Variants in APP observed in about 807,000 individuals in gnomAD.
The protein encoded by APP is amyloid-beta precursor protein.
APP carries 31 observed loss-of-function variants against 101.4 expected under a neutral mutation model. The ratio of observed to expected loss-of-function variants is 0.31; its 90% confidence interval spans 0.23 to 0.41. The LOEUF (loss-of-function observed/expected upper bound fraction) is 0.41, where lower values mean the gene tolerates loss of function less well. Ranked by LOEUF, APP falls within the 10% of genes least tolerant of loss-of-function variation. APP has a pLI of 1.00. For synonymous variants in APP, 366 were observed against 364.4 expected, an observed-to-expected ratio of 1.00 and a Z score of -0.05; for missense variants, 839 against 1,003.7, an observed-to-expected ratio of 0.84 and a Z score of 2.22.
chr21:26,003,674 G>C (rs2043390349), intron 6 of APP, among the ~76,000 whole-genome samples: 1 of 152,194 alleles, frequency 6.6e-6, no homozygotes, highest in South Asian at 2.1e-4. Context: ...TGTCCAACTG[G>C]TTCTCATCTG....
Position 26,134,628 on chromosome 21 carries a change from C to T in APP, c.58-22482G>A, listed in dbSNP as rs548310657. On this transcript the variant is annotated intron_variant, in intron 1 of 17. Coordinates refer to ENST00000346798, the MANE Select transcript of APP (RefSeq NM_000484.4). The stretch of plus-strand genomic sequence containing the variant: ...CAGCTATCTGGAAGTTCCCAGAACG[C>T]GGTCCTTCAGGGTTGTTAAGAAAGC... 6.6e-5 allele frequency among the ~76,000 whole-genome samples: 10 copies of T among 152,296 alleles called. No individual in the cohort carries two copies. The South Asian group carries it at 1.9e-3, about 28-fold the overall frequency.
chr21:25,909,595 A>G (rs965744762), intron 14 of APP, among the ~76,000 whole-genome samples: 1 of 152,186 alleles, frequency 6.6e-6, no homozygotes, highest in African/African-American at 2.4e-5. Context: ...GTGTGTGTGT[A>G]CATTCACACG....
At chr21:26,137,146 TGC>T (rs900099018) in intron 1 of APP, among the ~76,000 whole-genome samples, 2 of 152,184 alleles carry the variant, frequency 1.3e-5, no homozygotes, top group Non-Finnish European at 2.9e-5. Flanking sequence ...TTGGCCATGT[TGC>T]CCAGGCTAAC....
chr21:25,981,538 G>A (rs1047754431), intron 9 of APP, among the ~76,000 whole-genome samples: 21 of 152,102 alleles, frequency 1.4e-4, no homozygotes, highest in Admixed American at 6.5e-4. Flanking sequence ...TCTGAGCAAG[G>A]GCTAAAATCC....
chr21:25,905,820 A>C (rs1358161312), intron 14 of APP, among the ~76,000 whole-genome samples: 1 of 152,234 alleles, frequency 6.6e-6, no homozygotes, highest in African/African-American at 2.4e-5. Context: ...CCTCACCATC[A>C]TCTGACCTTT....
intron 16 of APP, among the ~76,000 whole-genome samples, chr21:25,893,300 A>T (rs1316864670): frequency 2.0e-5 from 3 of 152,200 alleles, no homozygotes; most frequent in Non-Finnish European, 4.4e-5. Flanking sequence ...TGGGCCAGTA[A>T]ATAACCCTAC....
intron 9 of APP, among the ~76,000 whole-genome samples, chr21:25,979,647 G>C (rs2042350223): frequency 6.6e-6 from 1 of 152,050 alleles, no homozygotes; most frequent in African/African-American, 2.4e-5. Flanking sequence ...ACAAAATCAT[G>C]AACTAAGTCA....
At chr21:25,981,020 CT>C (rs1397408258) in intron 9 of APP, among the ~76,000 whole-genome samples, 1 of 152,132 alleles carries the variant, frequency 6.6e-6, no homozygotes, top group Non-Finnish European at 1.5e-5. Context: ...CCCTAGTGGT[CT>C]GGTACCTGGT....
intron 11 of APP, among the ~76,000 whole-genome samples, chr21:25,968,347 G>A (rs2146540431): frequency 1.5e-5 from 2 of 135,618 alleles, no homozygotes; most frequent in South Asian, 2.3e-4. Context: ...TTTTTGTAGA[G>A]ATAGGGCCTT....
chr21:26,089,680 C>T (rs948681719), intron 3 of APP: 13 of 347,324 alleles, frequency 3.7e-5, no homozygotes, highest in Non-Finnish European at 7.0e-5. Flanking sequence ...ATTTTTCATT[C>T]AGGAGTCCTG....
At chr21:26,100,157 A>G (rs541964505) in intron 2 of APP, among the ~76,000 whole-genome samples, 104 of 152,342 alleles carry the variant, frequency 6.8e-4, no homozygotes, top group African/African-American at 2.3e-3. Context: ...AGATTTTCCT[A>G]TTCTCTCTTT....
At chr21:25,935,717 A>T (rs1390186227) in intron 13 of APP, among the ~76,000 whole-genome samples, 1 of 151,506 alleles carries the variant, frequency 6.6e-6, no homozygotes, top group African/African-American at 2.4e-5. Flanking sequence ...GTGCGCGCCT[A>T]TAATCCCAGC....
Position 25,881,709 on chromosome 21 carries a change from T to C in APP, c.2274A>G (p.Glu758=). 1 of 1,614,074 alleles carries C rather than the reference T, an allele frequency of 6.2e-7. No individual in the cohort carries two copies. The highest frequency in any genetic ancestry group is 1.1e-5 in the South Asian group (1 of 91,080). The part of the protein sequence containing the change: ...HLSKMQQNGY[E]NPTYKFFEQM... ...GCTCAAAGAACTTGTAGGTTGGATT[T>C]TCGTAGCCGTTCTGCTGCATCTTGG... The change falls in exon 18 of 18, where the codon GAA becomes GAG. Residue 758 remains glutamate, a synonymous_variant. Transcript: ENST00000346798.
At chr21:26,080,247 T>G (rs1457363431) in intron 3 of APP, among the ~76,000 whole-genome samples, 1 of 152,116 alleles carries the variant, frequency 6.6e-6, no homozygotes, top group Non-Finnish European at 1.5e-5. Flanking sequence ...AATCTCAAAG[T>G]TTTGATTTGT....
intron 4 of APP, 131 bp from the exon 5 acceptor site, chr21:26,051,324 GCT>G: frequency 1.0e-6 from 1 of 999,166 alleles, no homozygotes. Context: ...AAGATTATTT[GCT>G]TTTTGAGTGA....
intron 1 of APP, among the ~76,000 whole-genome samples, chr21:26,141,975 T>C (rs116945606): frequency 5.6e-4 from 85 of 152,298 alleles, no homozygotes; most frequent in Non-Finnish European, 8.8e-4. Flanking sequence ...TCTGTATGGC[T>C]GCAAGGAGCC....
At chr21:26,058,938 G>A (rs1187197153) in intron 3 of APP, among the ~76,000 whole-genome samples, 6 of 151,836 alleles carry the variant, frequency 4.0e-5, no homozygotes, top group Admixed American at 6.6e-5. Context: ...AAAATTAGCC[G>A]GGCGTGGTAG....
At position 25,880,963 on chromosome 21, in the gene APP, A is replaced by C. The variant is rs939900852; in HGVS notation, c.*707T>G. 4 of 115,402 alleles carry C rather than the reference A, an allele frequency of 3.5e-5. No individual in the cohort carries two copies. Among genetic ancestry groups the C allele is most frequent in the African/African-American group, 1.3e-4 (4 of 30,156 alleles). The allele number at this position is 115,402 out of a possible 1,614,324, so 7.1% of individuals were successfully genotyped here. On this transcript the variant is annotated 3_prime_UTR_variant, in exon 18 of 18. Transcript: ENST00000346798. The stretch of plus-strand genomic sequence containing the variant: ...CCCCACCCGCCCCGTAAAAGTGCTT[A>C]CAATGAACAGGGATTCTTTTCTTTA...
At chr21:26,017,122 C>A (rs555952685) in intron 6 of APP, among the ~76,000 whole-genome samples, 275 of 145,040 alleles carry the variant, frequency 1.9e-3, no homozygotes, top group Non-Finnish European at 3.4e-3. Context: ...TGGTGTGAAC[C>A]CGGGAGGCCG....
Sources: gnomAD v4.1 joint callset for allele counts (sites outside exome capture counted in the v4.1 genomes callset) on GRCh38, gnomAD v4.1.1 for gene constraint, MANE v1.5 for transcripts, NCBI Gene and HGNC (gene_info 2026-07-23, HGNC 2026-07-21) for gene names.